The following MEIS1 variants were observed in gnomAD, a reference collection of about 807,000 sequenced individuals.
MEIS1 encodes homeobox protein Meis1.
MEIS1 carries 5 observed loss-of-function variants against 50.8 expected under a neutral mutation model. That is an observed-to-expected ratio of 0.10 (90% confidence interval 0.05 to 0.21). The LOEUF is 0.21. Ranked by LOEUF, MEIS1 falls within the 10% of genes least tolerant of loss-of-function variation. MEIS1 has a pLI of 1.00. For missense variants in MEIS1, 318 were observed against 517.3 expected, an observed-to-expected ratio of 0.61 and a Z score of 3.74; for synonymous variants, 176 against 179.3, an observed-to-expected ratio of 0.98 and a Z score of 0.15.
chr2:66,470,613 C>T (rs1046466549), intron 7 of MEIS1, among the ~76,000 whole-genome samples: 4 of 152,102 alleles, frequency 2.6e-5, no homozygotes, highest in Admixed American at 6.5e-5. Flanking sequence ...TTTAGGGGCA[C>T]GAACTTGGCC....
At chr2:66,466,560 C>T (rs1424687658) in intron 7 of MEIS1, among the ~76,000 whole-genome samples, 6 of 152,234 alleles carry the variant, frequency 3.9e-5, no homozygotes, top group Non-Finnish European at 8.8e-5. Flanking sequence ...GGTCTTTGTG[C>T]AGCCTTCGGA....
intron 7 of MEIS1, among the ~76,000 whole-genome samples, chr2:66,484,704 A>C (rs1007817264): frequency 6.6e-6 from 1 of 151,776 alleles, no homozygotes; most frequent in African/African-American, 2.4e-5. Flanking sequence ...GATTATAGGA[A>C]TGCACCACCA....
rs1558568870 is a variant in MEIS1 at position 66,571,626 on chromosome 2, C to T, written c.*418C>T. The T allele has an allele frequency of 6.4e-6, 9 of 1,412,862 alleles. No individual in the cohort carries two copies. Among genetic ancestry groups the T allele is most frequent in the Non-Finnish European group, 7.7e-6 (8 of 1,034,666 alleles). The allele number at this position is 1,412,862 out of a possible 1,614,324, so 87.5% of individuals were successfully genotyped here. On this transcript the variant is annotated 3_prime_UTR_variant, in exon 13 of 13. Transcript: ENST00000272369. Reference sequence around the variant, plus strand: ...TTCCATTCTTGGCATCTACTCTGGACCAAGGAGCATCCCTAATTCTTCATA... The same window carrying T: ...TTCCATTCTTGGCATCTACTCTGGATCAAGGAGCATCCCTAATTCTTCATA...
At chr2:66,533,912 A>G (rs1166547600) in intron 8 of MEIS1, among the ~76,000 whole-genome samples, 1 of 152,226 alleles carries the variant, frequency 6.6e-6, no homozygotes, top group Non-Finnish European at 1.5e-5. Context: ...GTAAAAATAA[A>G]TTTAGAAGAA....
chr2:66,528,586 C>T (rs544730380), intron 8 of MEIS1, among the ~76,000 whole-genome samples: 1 of 152,160 alleles, frequency 6.6e-6, no homozygotes, highest in East Asian at 1.9e-4. Context: ...ATCCCTGAGT[C>T]CCATCAATTC....
At chr2:66,570,368 A>T (rs1675454451) in intron 12 of MEIS1, 1 of 152,094 alleles carries the variant, frequency 6.6e-6, no homozygotes, top group Admixed American at 6.6e-5. Context: ...AAAAAAAATT[A>T]TCATCTTTTT....
At chr2:66,549,725 A>G (rs1220759240) in intron 9 of MEIS1, among the ~76,000 whole-genome samples, 1 of 152,130 alleles carries the variant, frequency 6.6e-6, no homozygotes, top group East Asian at 1.9e-4. Flanking sequence ...CAAGCTCTCT[A>G]GTTAAGAAAC....
At chr2:66,567,241 A>G (rs945858162) in intron 9 of MEIS1, among the ~76,000 whole-genome samples, 1 of 152,160 alleles carries the variant, frequency 6.6e-6, no homozygotes, top group Non-Finnish European at 1.5e-5. Context: ...ACATAAATCA[A>G]CTCAGAAACC....
intron 7 of MEIS1, among the ~76,000 whole-genome samples, chr2:66,483,285 C>T (rs1673062867): frequency 1.3e-5 from 2 of 148,426 alleles, no homozygotes; most frequent in Non-Finnish European, 1.5e-5. Flanking sequence ...ATTGCCCAGG[C>T]AGGTCTCGAA....
At chr2:66,565,908 A>G (rs1304214479) in intron 9 of MEIS1, among the ~76,000 whole-genome samples, 1 of 152,114 alleles carries the variant, frequency 6.6e-6, no homozygotes, top group Non-Finnish European at 1.5e-5. Flanking sequence ...CTAATGAAAA[A>G]ACAGATTTTT....
At chr2:66,491,797 T>TC (rs1673280331) in intron 7 of MEIS1, among the ~76,000 whole-genome samples, 1 of 152,034 alleles carries the variant, frequency 6.6e-6, no homozygotes, top group Admixed American at 6.6e-5. Context: ...CTTCGTACAC[T>TC]CCCTTAATTC....
intron 6 of MEIS1, among the ~76,000 whole-genome samples, chr2:66,455,903 C>T (rs1002129562): frequency 5.9e-5 from 9 of 152,074 alleles, no homozygotes; most frequent in African/African-American, 2.2e-4. Flanking sequence ...GTGTGTGTTG[C>T]GGTGTGTGCA....
intron 8 of MEIS1, among the ~76,000 whole-genome samples, chr2:66,543,575 C>T (rs936336609): frequency 4.6e-5 from 7 of 152,180 alleles, no homozygotes; most frequent in Non-Finnish European, 7.3e-5. Flanking sequence ...TTTACCCATA[C>T]ATAATCACTG....
At chr2:66,562,856 A>G (rs376580724) in intron 9 of MEIS1, among the ~76,000 whole-genome samples, 3 of 152,192 alleles carry the variant, frequency 2.0e-5, no homozygotes, top group Non-Finnish European at 4.4e-5. Flanking sequence ...CAATTCTTAA[A>G]AAGTACTTCA....
chr2:66,455,617 G>A (rs951097943), intron 6 of MEIS1, among the ~76,000 whole-genome samples: 2 of 152,086 alleles, frequency 1.3e-5, no homozygotes, highest in East Asian at 1.9e-4. Context: ...TGAAAACTAG[G>A]GTTTTAAGCA....
intron 8 of MEIS1, among the ~76,000 whole-genome samples, chr2:66,543,022 A>C (rs1392861092): frequency 6.6e-6 from 1 of 152,120 alleles, no homozygotes; most frequent in Non-Finnish European, 1.5e-5. Context: ...ATGTATTGTA[A>C]ACTTGTAAAT....
chr2:66,559,500 A>C (rs559397701), intron 9 of MEIS1, among the ~76,000 whole-genome samples: 1 of 152,230 alleles, frequency 6.6e-6, no homozygotes, highest in Non-Finnish European at 1.5e-5. Context: ...GTTTTGTTAG[A>C]TTCAATTTTA....
intron 6 of MEIS1, among the ~76,000 whole-genome samples, chr2:66,448,363 C>G (rs969162103): frequency 3.3e-5 from 5 of 152,078 alleles, no homozygotes. Flanking sequence ...ATTCTATACT[C>G]TTAAAAAACA....
intron 7 of MEIS1, among the ~76,000 whole-genome samples, chr2:66,486,914 A>G (rs1197819334): frequency 1.3e-5 from 2 of 152,174 alleles, no homozygotes; most frequent in Non-Finnish European, 2.9e-5. Context: ...ATTGGTGTAT[A>G]TGAATGCTTA....
Sources: allele counts gnomAD v4.1 joint callset (sites outside exome capture counted in the v4.1 genomes callset), GRCh38; gene constraint gnomAD v4.1.1; transcripts MANE v1.5; gene names NCBI Gene and HGNC (gene_info 2026-07-23, HGNC 2026-07-21).